Variants in REPS1 observed in about 807,000 individuals in gnomAD.
The protein encoded by REPS1 is RALBP1 associated Eps domain containing 1, also known as ralBP1-associated Eps domain-containing protein 1.
Under a neutral mutation model 100.9 loss-of-function variants are expected in REPS1, and 39 were observed. That is an observed-to-expected ratio of 0.39 (90% CI 0.30 to 0.50). The LOEUF (loss-of-function observed/expected upper bound fraction) is 0.50. Ranked by LOEUF, REPS1 falls within the 20% of genes least tolerant of loss-of-function variation. REPS1 has a pLI of 0.86. For synonymous variants in REPS1, 324 were observed against 340.3 expected (o/e 0.95, Z 0.53); for missense variants, 821 against 968.5 (o/e 0.85, Z 2.02).
intron 8 of REPS1, among the ~76,000 whole-genome samples, chr6:138,937,028 T>C (rs994331755): frequency 3.9e-5 from 6 of 152,132 alleles, no homozygotes; most frequent in Non-Finnish European, 5.9e-5. Context: ...CTGGGGAGGC[T>C]TCACAATCAT....
intron 1 of REPS1, among the ~76,000 whole-genome samples, chr6:138,964,629 A>G (rs1308135474): frequency 6.6e-6 from 1 of 152,058 alleles, no homozygotes; most frequent in Non-Finnish European, 1.5e-5. Flanking sequence ...CAGTTAAGGA[A>G]AAATTTTAAA....
At chr6:138,925,652 C>T (rs1295839123) in intron 10 of REPS1, among the ~76,000 whole-genome samples, 6 of 128,406 alleles carry the variant, frequency 4.7e-5, no homozygotes, top group Non-Finnish European at 1.1e-4. Flanking sequence ...TTAGCACATC[C>T]TTGTCTTAAA....
chr6:138,917,624 T>A lies in REPS1; in HGVS notation c.1532A>T (p.Asp511Val). Residue 511 changes from aspartate to valine, a missense_variant, in exon 13 of 20, where the codon GAT becomes GTT. Around this residue, in one of 3 missense-constraint regions of REPS1, gnomAD observed 757 missense variants for 866.4 expected, o/e 0.87. Transcript: ENST00000450536. ...VKFASGNTVA[D>V]GYSSSDSFTS... is the part of the protein sequence containing the mutation. ...AAAAGAGTCTGAACTACTGTAACCA[T>A]CTGCTGATAAATGGGATATGTCCTA... 2 of 1,612,306 alleles carry A rather than the reference T, an allele frequency of 1.2e-6. No homozygotes were observed. Among genetic ancestry groups the A allele is most frequent in the South Asian group, 1.1e-5 (1 of 91,044 alleles).
At chr6:138,982,033 CT>C (rs1784985586) in intron 1 of REPS1, among the ~76,000 whole-genome samples, 1 of 152,168 alleles carries the variant, frequency 6.6e-6, no homozygotes, top group Non-Finnish European at 1.5e-5. Flanking sequence ...CAAACAGTAT[CT>C]TTTTCAACTG....
At chr6:138,953,868 T>C (rs1783201217) in intron 1 of REPS1, among the ~76,000 whole-genome samples, 1 of 152,134 alleles carries the variant, frequency 6.6e-6, no homozygotes, top group Non-Finnish European at 1.5e-5. Context: ...AGGAAATTAT[T>C]ATATCAGAGA....
chr6:138,905,044 C>G lies in REPS1; in HGVS notation c.*20G>C, dbSNP rs1206693281. ...AAAACCACTTAAAAACAAGTATGTT[C>G]ACAGTTAACGGCAATTGGCTTATAG... On this transcript the variant is annotated 3_prime_UTR_variant, in exon 20 of 20. Transcript: ENST00000450536. The G allele has an allele frequency of 9.3e-6, 15 of 1,612,736 alleles. No homozygotes were observed. Among genetic ancestry groups the G allele is most frequent in the Non-Finnish European group, 1.3e-5 (15 of 1,178,974 alleles).
At chr6:138,928,918 G>A (rs1436911500) in intron 9 of REPS1, 1 of 152,146 alleles carries the variant, frequency 6.6e-6, no homozygotes, top group Non-Finnish European at 1.5e-5. Context: ...TGGATGGTGT[G>A]ATGTTATAAT....
chr6:138,927,041 G>T (rs1781183911), intron 9 of REPS1: 1 of 152,300 alleles, frequency 6.6e-6, no homozygotes, highest in South Asian at 2.1e-4. Context: ...AAAATGCAAA[G>T]AATTCTGGAA....
intron 1 of REPS1, among the ~76,000 whole-genome samples, chr6:138,987,191 A>G (rs1260445698): frequency 6.6e-6 from 1 of 152,192 alleles, no homozygotes; most frequent in Non-Finnish European, 1.5e-5. Context: ...AAAGCTCTCT[A>G]TATGCCAGGT....
At chr6:138,946,991 C>T (rs1026109240) in intron 2 of REPS1, among the ~76,000 whole-genome samples, 1 of 151,412 alleles carries the variant, frequency 6.6e-6, no homozygotes, top group Non-Finnish European at 1.5e-5. Context: ...TGAGCAAGTT[C>T]TCATGAGATC....
In REPS1 at chr6:138,987,952, G is replaced by A; in HGVS notation, c.-270C>T. On this transcript the variant is annotated 5_prime_UTR_variant, in exon 1 of 20. Coordinates refer to ENST00000450536, the MANE Select transcript of REPS1 (RefSeq NM_001286611.2). ...CGACTACGGCTCCGGCTCCGGCTCC[G>A]GCTCCGGCCGCGGGGAGGGTGCAGA... 2 of 379,044 alleles carry A rather than the reference G, an allele frequency of 5.3e-6. No individual in the cohort carries two copies. Among genetic ancestry groups the A allele is most frequent in the Non-Finnish European group, 9.3e-6 (2 of 214,982 alleles). 23.5% of individuals were successfully genotyped at this position (379,044 alleles called of 1,614,324 possible).
intron 10 of REPS1, among the ~76,000 whole-genome samples, chr6:138,923,415 A>G (rs1034296043): frequency 1.5e-4 from 23 of 152,254 alleles, no homozygotes; most frequent in African/African-American, 4.8e-4. Context: ...GCTTTAATTC[A>G]TAACATTCAT....
intron 1 of REPS1, among the ~76,000 whole-genome samples, chr6:138,964,314 T>C (rs1346293515): frequency 6.6e-6 from 1 of 152,202 alleles, no homozygotes; most frequent in Non-Finnish European, 1.5e-5. Context: ...TCTCCAGGTC[T>C]TTCCCCCAAC....
At chr6:138,946,339 C>T in intron 2 of REPS1, among the ~76,000 whole-genome samples, 1 of 152,102 alleles carries the variant, frequency 6.6e-6, no homozygotes, top group South Asian at 2.1e-4. Context: ...ATTCTACATT[C>T]AATTTTAAAT....
intron 2 of REPS1, among the ~76,000 whole-genome samples, chr6:138,947,377 AC>A (rs146918270): frequency 0.018 from 2,665 of 151,456 alleles, 81 homozygotes; most frequent in African/African-American, 0.062. Context: ...GCCTTCCCAA[AC>A]AAACAAACAA....
At chr6:138,929,510 T>A (rs1418254799) in intron 9 of REPS1, 1 of 152,626 alleles carries the variant, frequency 6.6e-6, no homozygotes, top group Non-Finnish European at 1.5e-5. Context: ...AAAACATACT[T>A]TCTTCATATG....
Position 138,911,336 on chromosome 6 carries a change from T to G in REPS1, c.2007A>C (p.Arg669=). The G allele has an allele frequency of 6.2e-7, 1 of 1,613,828 alleles. No individual in the cohort carries two copies. The highest frequency in any genetic ancestry group is 8.5e-7 in the Non-Finnish European group (1 of 1,179,778). Residue 669 remains arginine (R), a synonymous_variant, in exon 17 of 20, where the codon CGA becomes CGC. Transcript: ENST00000450536. ...EKASDPASSL[R]VAKTDSKTEE... is the part of the protein sequence containing the mutation. ...CAGTTTTACTATCTGTTTTGGCAACTCGAAGAGAACTTGCAGGATCAGAAG... is the reference window on the plus strand; with the variant it reads ...CAGTTTTACTATCTGTTTTGGCAACGCGAAGAGAACTTGCAGGATCAGAAG...
At chr6:138,932,126 C>A (rs1781519091) in intron 8 of REPS1, among the ~76,000 whole-genome samples, 1 of 152,102 alleles carries the variant, frequency 6.6e-6, no homozygotes, top group Non-Finnish European at 1.5e-5. Flanking sequence ...CACCTCAGGG[C>A]AGTTATGATT....
chr6:138,984,602 C>T (rs1785151483), intron 1 of REPS1, among the ~76,000 whole-genome samples: 1 of 152,166 alleles, frequency 6.6e-6, no homozygotes. Flanking sequence ...CTGCCAAATG[C>T]CTCTTCCCCA....
Sources: allele counts gnomAD v4.1 joint callset (sites outside exome capture counted in the v4.1 genomes callset), GRCh38; gene constraint gnomAD v4.1.1; regional missense constraint gnomAD v4.1.1; transcripts MANE v1.5; gene names NCBI Gene and HGNC (gene_info 2026-07-23, HGNC 2026-07-21).